Variants in SNX29 observed in about 807,000 individuals in gnomAD.
SNX29 encodes sorting nexin 29.
SNX29 carries 78 observed loss-of-function variants against 102.1 expected under a neutral mutation model. That is an observed-to-expected ratio of 0.76 (90% CI 0.64 to 0.92). SNX29 has a LOEUF of 0.92. SNX29 is among the 40% of genes least tolerant of loss of function. The pLI, the probability that SNX29 is intolerant of heterozygous loss-of-function variation, is 0.00. For missense variants in SNX29, 1,280 were observed against 1,061.7 expected (o/e 1.21, Z -2.86); for synonymous variants, 580 against 414.5 (o/e 1.40, Z -4.85).
chr16:12,263,727 T>G (rs1484422156), intron 14 of SNX29, among the ~76,000 whole-genome samples: 1 of 152,222 alleles, frequency 6.6e-6, no homozygotes, highest in Non-Finnish European at 1.5e-5. Flanking sequence ...GCATCCCTAG[T>G]GAGAGTGACA....
intron 13 of SNX29, among the ~76,000 whole-genome samples, chr16:12,167,149 C>T (rs188068828): frequency 6.6e-6 from 1 of 152,330 alleles, no homozygotes; most frequent in African/African-American, 2.4e-5. Flanking sequence ...TCCTGGCCAT[C>T]TCATAGCTGG....
In SNX29 at chr16:12,242,710, A is replaced by G. The variant is rs145201969; in HGVS notation, c.1679-35223A>G. On this transcript the variant is annotated intron_variant, in intron 14 of 20. Transcript: ENST00000566228. ...ACTGTGTCACCCAGGCTGGAGTACA[A>G]TGACGCAATCACAGCTCACTGCAGC... Among the ~76,000 whole-genome samples, 431 of 150,318 alleles carry G rather than the reference A, an allele frequency of 2.9e-3. 6 individuals are homozygous for G. Among genetic ancestry groups the G allele is most frequent in the Non-Finnish European group, 4.7e-3 (315 of 67,700 alleles).
rs569376368 is a variant in SNX29 at position 12,308,584 on chromosome 16, G to A, written c.1782+30548G>A. The stretch of plus-strand genomic sequence containing the variant: ...CACTCCTCCGGAGTGCCTTCCGTGT[G>A]CTAGTCACGGCTTCGAGTGCCAGGG... On this transcript the variant is annotated intron_variant, in intron 15 of 20. Transcript: ENST00000566228. Among the ~76,000 whole-genome samples the A allele has an allele frequency of 1.2e-3, 187 of 152,194 alleles. 2 individuals are homozygous for A. Among genetic ancestry groups the A allele is most frequent in the Admixed American group, 0.012 (184 of 15,298 alleles).
chr16:12,431,018 A>G (rs536464575), intron 18 of SNX29, among the ~76,000 whole-genome samples: 243 of 152,058 alleles, frequency 1.6e-3, no homozygotes, highest in African/African-American at 5.6e-3. Flanking sequence ...ACACCCGGCT[A>G]TTTTTGTATT....
At position 12,571,849 on chromosome 16, in the gene SNX29, A is replaced by T. The variant is rs1000203852; in HGVS notation, c.*3220A>T. 11 of 1,057,122 alleles carry T rather than the reference A, an allele frequency of 1.0e-5. No individual in the cohort carries two copies. In the African/African-American group the frequency reaches 1.8e-4, roughly 17 times the overall value. 65.5% of individuals were successfully genotyped at this position (1,057,122 alleles called of 1,614,324 possible). A position where few individuals can be genotyped will look rare whatever the true frequency, so the allele number is the denominator to read the frequency against. ...TCCCACTTAGCAGTATGCTCCAATC[A>T]CGTTGCTGGCAAGGCATTTTAGAGT... is the stretch of plus-strand genomic sequence containing the variant. On this transcript the variant is annotated 3_prime_UTR_variant, in exon 21 of 21. Transcript: ENST00000566228.
intron 15 of SNX29, among the ~76,000 whole-genome samples, chr16:12,283,462 G>T (rs1408035433): frequency 6.6e-6 from 1 of 152,124 alleles, no homozygotes; most frequent in Non-Finnish European, 1.5e-5. Context: ...TGGGACTACA[G>T]GCACGCATCA....
intron 20 of SNX29, among the ~76,000 whole-genome samples, chr16:12,544,926 C>T (rs574278575): frequency 4.6e-5 from 7 of 152,354 alleles, no homozygotes; most frequent in Non-Finnish European, 7.3e-5. Context: ...ATGTTATCAT[C>T]ATCCCTTGTT....
intron 15 of SNX29, among the ~76,000 whole-genome samples, chr16:12,347,299 A>G (rs376689874): frequency 2.0e-5 from 3 of 152,036 alleles, no homozygotes; most frequent in African/African-American, 4.8e-5. Flanking sequence ...ATGGTGCGGC[A>G]TTGAGGAGGA....
chr16:12,254,278 G>C (rs767918271), intron 14 of SNX29, among the ~76,000 whole-genome samples: 1 of 152,184 alleles, frequency 6.6e-6, no homozygotes, highest in Non-Finnish European at 1.5e-5. Flanking sequence ...TTCTGAGAGA[G>C]TGAGTGTAGG....
intron 15 of SNX29, among the ~76,000 whole-genome samples, chr16:12,281,232 A>G (rs186522205): frequency 2.6e-5 from 4 of 152,308 alleles, no homozygotes; most frequent in Admixed American, 6.5e-5. Context: ...TTTAGATAAT[A>G]AGGATATTTG....
At chr16:12,201,500 G>C (rs908345589) in intron 14 of SNX29, among the ~76,000 whole-genome samples, 1 of 152,144 alleles carries the variant, frequency 6.6e-6, no homozygotes. Flanking sequence ...GAGCTTAAGG[G>C]GCTGGTATAT....
chr16:12,196,058 C>T (rs1338605846), intron 13 of SNX29, among the ~76,000 whole-genome samples: 9 of 150,656 alleles, frequency 6.0e-5, no homozygotes, highest in Non-Finnish European at 1.3e-4. Flanking sequence ...TCACTGCAAC[C>T]TCCACCTCCC....
At chr16:12,476,021 C>G (rs1328284848) in intron 18 of SNX29, among the ~76,000 whole-genome samples, 3 of 151,992 alleles carry the variant, frequency 2.0e-5, no homozygotes, top group Non-Finnish European at 4.4e-5. Context: ...ATGGGCCAGT[C>G]AAGATATATA....
chr16:12,546,777 C>CAATT (rs56043790), intron 20 of SNX29: 79,407 of 151,578 alleles, frequency 0.52, 22,190 homozygotes, highest in East Asian at 0.86. Context: ...TTCCATGCAA[C>CAATT]AAAGGAAATT....
intron 11 of SNX29, among the ~76,000 whole-genome samples, chr16:12,100,863 C>G (rs1349942469): frequency 1.3e-5 from 2 of 151,854 alleles, no homozygotes; most frequent in Non-Finnish European, 2.9e-5. Context: ...GGGAGGGCAG[C>G]TGGCAGGTGG....
At chr16:12,421,874 TCCATCACCATCACCAGCCGTCCATCA>T (rs2084885265) in intron 18 of SNX29, among the ~76,000 whole-genome samples, 1 of 150,810 alleles carries the variant, frequency 6.6e-6, no homozygotes, top group African/African-American at 2.4e-5. Context: ...TCACCAGCCG[TCCATCACCATCACCAGCCGTCCATCA>T]CCATCACCAG....
chr16:12,085,292 T>G (rs1214077788), intron 11 of SNX29, among the ~76,000 whole-genome samples: 1 of 152,132 alleles, frequency 6.6e-6, no homozygotes, highest in Non-Finnish European at 1.5e-5. Flanking sequence ...GAGTGGCATT[T>G]GATTTGTTTT....
At chr16:12,379,396 T>A (rs2082996061) in intron 16 of SNX29, among the ~76,000 whole-genome samples, 1 of 152,334 alleles carries the variant, frequency 6.6e-6, no homozygotes, top group East Asian at 1.9e-4. Flanking sequence ...GTATTGGGAT[T>A]ACAGGCGTGA....
intron 1 of SNX29, among the ~76,000 whole-genome samples, chr16:11,979,566 A>G (rs1268713276): frequency 1.3e-5 from 2 of 152,016 alleles, no homozygotes; most frequent in Non-Finnish European, 2.9e-5. Flanking sequence ...CCCACTTATA[A>G]TATTTTGTTT....
Sources: gnomAD v4.1 joint callset for allele counts (sites outside exome capture counted in the v4.1 genomes callset) on GRCh38, gnomAD v4.1.1 for gene constraint, MANE v1.5 for transcripts, NCBI Gene and HGNC (gene_info 2026-07-23, HGNC 2026-07-21) for gene names.